Variants in ZNF654 observed in about 807,000 individuals in gnomAD.
ZNF654 encodes zinc finger protein 654.
In ZNF654, 19 loss-of-function variants were observed where a neutral mutation model predicts 95.3. That is an observed-to-expected ratio of 0.20 (90% CI 0.14 to 0.29). The LOEUF is 0.29. ZNF654 is among the 10% of genes least tolerant of loss of function. The probability of loss-of-function intolerance (pLI) is 1.00; values close to 1 mark genes in which losing one functional copy is unlikely to be tolerated. For missense variants in ZNF654, 1,046 were observed against 1,341.0 expected, an observed-to-expected ratio of 0.78 and a Z score of 3.44; for synonymous variants, 413 against 457.9, an observed-to-expected ratio of 0.90 and a Z score of 1.25.
intron 1 of ZNF654, among the ~76,000 whole-genome samples, chr3:88,077,255 T>TA (rs146382150): frequency 0.013 from 2,015 of 152,226 alleles, 37 homozygotes; most frequent in African/African-American, 0.045. Context: ...CTCACCAATA[T>TA]AGGCAGTGTG....
At chr3:88,063,660 T>A (rs1349713878) in intron 1 of ZNF654, among the ~76,000 whole-genome samples, 2 of 152,168 alleles carry the variant, frequency 1.3e-5, no homozygotes, top group African/African-American at 2.4e-5. Context: ...TTTTAAGAAG[T>A]CATATAAGGC....
chr3:88,112,683 G>T (rs1336967359), intron 2 of ZNF654, among the ~76,000 whole-genome samples: 1 of 151,800 alleles, frequency 6.6e-6, no homozygotes, highest in Non-Finnish European at 1.5e-5. Flanking sequence ...TTATGTTTTT[G>T]TGTTAATTTT....
chr3:88,089,308 G>C (rs1469100794), intron 2 of ZNF654, among the ~76,000 whole-genome samples: 2 of 151,078 alleles, frequency 1.3e-5, no homozygotes, highest in African/African-American at 2.4e-5. Context: ...TAGCCAACAT[G>C]GTGAAACCCT....
At chr3:88,067,872 ATTTTC>A (rs1462299725) in intron 1 of ZNF654, among the ~76,000 whole-genome samples, 3 of 151,754 alleles carry the variant, frequency 2.0e-5, no homozygotes, top group African/African-American at 4.8e-5. Context: ...TGAAGGTAAA[ATTTTC>A]TTTTCTTTCT....
intron 1 of ZNF654, among the ~76,000 whole-genome samples, chr3:88,061,893 C>T (rs1706906715): frequency 6.6e-6 from 1 of 152,146 alleles, no homozygotes; most frequent in South Asian, 2.1e-4. Flanking sequence ...ATGAATTATA[C>T]AGACAGGCTA....
At chr3:88,075,898 A>G (rs1707775979) in intron 1 of ZNF654, among the ~76,000 whole-genome samples, 1 of 152,176 alleles carries the variant, frequency 6.6e-6, no homozygotes, top group Admixed American at 6.5e-5. Flanking sequence ...TATCTGACTT[A>G]AGAAAAAAAT....
intron 2 of ZNF654, among the ~76,000 whole-genome samples, chr3:88,105,052 A>C (rs1210437693): frequency 6.6e-6 from 1 of 152,232 alleles, no homozygotes; most frequent in African/African-American, 2.4e-5. Flanking sequence ...AGGCAGAAGA[A>C]TCACTTGAAC....
intron 1 of ZNF654, among the ~76,000 whole-genome samples, chr3:88,083,052 C>A (rs1034746312): frequency 2.0e-5 from 3 of 151,902 alleles, no homozygotes; most frequent in African/African-American, 7.3e-5. Context: ...ACTCCTCCTC[C>A]CTCTTCCTCC....
At chr3:88,138,017 C>G (rs1706903424) in intron 7 of ZNF654, among the ~76,000 whole-genome samples, 1 of 152,054 alleles carries the variant, frequency 6.6e-6, no homozygotes, top group Admixed American at 6.6e-5. Flanking sequence ...ACAATAGATT[C>G]CCAAGTAAAA....
intron 3 of ZNF654, among the ~76,000 whole-genome samples, chr3:88,115,288 G>A (rs1431074638): frequency 1.3e-5 from 2 of 152,068 alleles, no homozygotes; most frequent in African/African-American, 2.4e-5. Flanking sequence ...CTTTCCCCCC[G>A]CTGTATTTCA....
At chr3:88,112,255 A>G (rs900027517) in intron 2 of ZNF654, among the ~76,000 whole-genome samples, 10 of 147,676 alleles carry the variant, frequency 6.8e-5, no homozygotes, top group Non-Finnish European at 1.0e-4. Context: ...ATTTTAGTCT[A>G]TTAGTGATTT....
In ZNF654 at chr3:88,140,224, A is replaced by G. The variant is rs752245840; in HGVS notation, c.2555A>G (p.His852Arg). ...FQAQCSFPEC[H>R]ELFEDLPLLY... ...GCTCAGTGTAGTTTTCCAGAATGCC[A>G]TGAGCTTTTTGAAGATCTTCCTCTG... The change falls in exon 8 of 9, where the codon CAT becomes CGT. Residue 852 changes from histidine (H) to arginine (R), a missense_variant. By Grantham distance (29) the His-to-Arg change is conservative. Transcript: ENST00000636215. 6 of 1,613,822 alleles carry G rather than the reference A, an allele frequency of 3.7e-6. No homozygotes were observed. The South Asian group carries it at 6.6e-5, about 18-fold the overall frequency.
At chr3:88,086,182 A>G in intron 1 of ZNF654, 75 bp from the exon 2 acceptor site, 1 of 1,373,176 alleles carries the variant, frequency 7.3e-7, no homozygotes, top group East Asian at 2.5e-5. Context: ...TTATCCAGTA[A>G]CTTTTATGCA....
intron 2 of ZNF654, chr3:88,095,782 A>G: frequency 2.3e-6 from 1 of 426,574 alleles, no homozygotes; most frequent in Non-Finnish European, 4.5e-6. Context: ...TTTGTAAACT[A>G]AGAAATGAGC....
intron 7 of ZNF654, among the ~76,000 whole-genome samples, chr3:88,136,507 CAG>C (rs1209138522): frequency 6.6e-6 from 1 of 152,160 alleles, no homozygotes; most frequent in Non-Finnish European, 1.5e-5. Flanking sequence ...AAAGGGTTCA[CAG>C]AGGAAATAAT....
At chr3:88,081,144 A>G (rs983526213) in intron 1 of ZNF654, among the ~76,000 whole-genome samples, 3 of 152,092 alleles carry the variant, frequency 2.0e-5, no homozygotes, top group African/African-American at 7.2e-5. Context: ...TTTTCTCGTG[A>G]TGGGAATCAA....
chr3:88,094,597 A>T (rs996382794), intron 2 of ZNF654, among the ~76,000 whole-genome samples: 30 of 152,148 alleles, frequency 2.0e-4, no homozygotes, highest in African/African-American at 7.2e-4. Context: ...GTCAGTGTGG[A>T]TATACAAAAA....
In ZNF654 at chr3:88,138,341, T is replaced by C. The variant is rs1248402979; in HGVS notation, c.1036-364T>C. Among the ~76,000 whole-genome samples, 14 of 152,118 alleles carry C rather than the reference T, an allele frequency of 9.2e-5. No homozygotes were observed. In the East Asian group the frequency reaches 2.5e-3, roughly 27 times the overall value. On this transcript the variant is annotated intron_variant, in intron 7 of 8. Transcript: ENST00000636215. ...AAAATACACATAATTTTGACCCTTCTCTCAAAGAATATGAGATTTGTACCT... is the reference window on the plus strand; with the variant it reads ...AAAATACACATAATTTTGACCCTTCCCTCAAAGAATATGAGATTTGTACCT...
intron 6 of ZNF654, among the ~76,000 whole-genome samples, chr3:88,131,120 G>T (rs1706432814): frequency 6.6e-6 from 1 of 152,162 alleles, no homozygotes. Context: ...GATGTAGCCT[G>T]TTGCTCCTAG....
Sources: gnomAD v4.1 joint callset for allele counts (sites outside exome capture counted in the v4.1 genomes callset) on GRCh38, gnomAD v4.1.1 for gene constraint, MANE v1.5 for transcripts, NCBI Gene and HGNC (gene_info 2026-07-23, HGNC 2026-07-21) for gene names.